The following ZC3H12B variants were observed in gnomAD, a reference collection of about 807,000 sequenced individuals.
The protein encoded by ZC3H12B is zinc finger CCCH-type containing 12B, also known as probable ribonuclease ZC3H12B.
ZC3H12B carries 7 observed loss-of-function variants against 43.9 expected under a neutral mutation model. The ratio of observed to expected loss-of-function variants is 0.16; its 90% confidence interval spans 0.09 to 0.30. The LOEUF is 0.30. Among genes scored for constraint, ZC3H12B ranks in the 10% least tolerant of loss-of-function variants. ZC3H12B has a pLI of 1.00. For missense variants in ZC3H12B, 475 were observed against 670.2 expected (o/e 0.71, Z 3.22); for synonymous variants, 222 against 241.7 (o/e 0.92, Z 0.76).
the ZC3H12B span, among the ~76,000 whole-genome samples, chrX:65,218,855 G>A: frequency 8.9e-6 from 1 of 111,850 alleles, no homozygotes; most frequent in Admixed American, 9.5e-5. Context: ...CTGGCTGGAA[G>A]ACAACCAACA....
At chrX:65,120,977 G>T in the ZC3H12B span, among the ~76,000 whole-genome samples, 1 of 111,500 alleles carries the variant, frequency 9.0e-6, no homozygotes, top group East Asian at 2.8e-4. Context: ...TGTTGAACCA[G>T]TCTTTCATCC....
At chrX:65,103,963 C>T in the ZC3H12B span, among the ~76,000 whole-genome samples, 1 of 111,762 alleles carries the variant, frequency 8.9e-6, no homozygotes, top group South Asian at 3.8e-4. Context: ...ATAGCCAAGA[C>T]AATCCTAAGC....
chrX:65,184,990 G>T, the ZC3H12B span: 10 of 111,448 alleles, frequency 9.0e-5, no homozygotes, highest in Non-Finnish European at 1.3e-4. Flanking sequence ...TAAGCTTAAT[G>T]AAATCTACAT....
the ZC3H12B span, among the ~76,000 whole-genome samples, chrX:65,153,529 G>C: frequency 3.7e-4 from 42 of 112,243 alleles, no homozygotes; most frequent in East Asian, 4.7e-3. Context: ...ACCACAATGA[G>C]ATACCATCTC....
chrX:65,491,714 A>AATATATAT (rs758006424), intron 1 of ZC3H12B, among the ~76,000 whole-genome samples: 2 of 97,185 alleles, frequency 2.1e-5, no homozygotes, highest in East Asian at 3.1e-4. Context: ...TTAAAAAAAA[A>AATATATAT]ATATATATAT....
At chrX:65,130,773 G>A in the ZC3H12B span, among the ~76,000 whole-genome samples, 1 of 111,763 alleles carries the variant, frequency 8.9e-6, no homozygotes, top group Non-Finnish European at 1.9e-5. Flanking sequence ...AGATTGATAG[G>A]TGGAAGTTTC....
the ZC3H12B span, among the ~76,000 whole-genome samples, chrX:65,158,359 C>T: frequency 9.0e-6 from 1 of 111,575 alleles, no homozygotes; most frequent in Non-Finnish European, 1.9e-5. Context: ...CTGACTTCCA[C>T]AATGGTTGAA....
chrX:65,507,807 G>A (rs7890060), exon 5 of ZC3H12B: 1 of 112,333 alleles, frequency 8.9e-6, no homozygotes, highest in African/African-American at 3.2e-5. Context: ...ACCTATAATT[G>A]TGATGGAAAA....
the ZC3H12B span, among the ~76,000 whole-genome samples, chrX:65,179,367 T>A: frequency 9.3e-6 from 1 of 107,657 alleles, no homozygotes. Flanking sequence ...GTAACAAACC[T>A]GCATGTTCTG....
chrX:65,320,690 A>T, the ZC3H12B span, among the ~76,000 whole-genome samples: 7 of 112,186 alleles, frequency 6.2e-5, no homozygotes, highest in South Asian at 2.6e-3. Context: ...GTACTGGTAA[A>T]AAAGCACACA....
chrX:65,469,106 C>G (rs1324312671), intron 3 of ZC3H12B: 1 of 119,205 alleles, frequency 8.4e-6, no homozygotes, highest in African/African-American at 3.2e-5. Flanking sequence ...TAGAGTAGGA[C>G]AGCATCCAGG....
chrX:65,471,783 G>A (rs1485734935), intron 3 of ZC3H12B, among the ~76,000 whole-genome samples: 1 of 111,224 alleles, frequency 9.0e-6, no homozygotes, highest in Non-Finnish European at 1.9e-5. Flanking sequence ...TTGCCAATCT[G>A]TATCTTTTAA....
At chrX:65,282,255 G>A in the ZC3H12B span, among the ~76,000 whole-genome samples, 1 of 110,275 alleles carries the variant, frequency 9.1e-6, no homozygotes, top group Non-Finnish European at 1.9e-5. Context: ...TTCAAAGACA[G>A]CCTGGGCAAC....
the ZC3H12B span, among the ~76,000 whole-genome samples, chrX:65,257,131 C>T: frequency 6.2e-5 from 7 of 112,257 alleles, no homozygotes; most frequent in Non-Finnish European, 1.1e-4. Context: ...ATAAACCATG[C>T]TGCCATAAAG....
At chrX:65,433,943 G>A (rs2067191508) in intron 3 of ZC3H12B, among the ~76,000 whole-genome samples, 2 of 111,503 alleles carry the variant, frequency 1.8e-5, no homozygotes, top group South Asian at 7.5e-4. Flanking sequence ...TTTTCTCCTC[G>A]TATTGGTCAA....
chrX:65,397,009 A>T (rs537263744), intron 2 of ZC3H12B, among the ~76,000 whole-genome samples: 2 of 111,407 alleles, frequency 1.8e-5, no homozygotes, highest in South Asian at 7.5e-4. Flanking sequence ...GCTTTATCAG[A>T]GACTAGTATT....
chrX:65,211,093 A>C, the ZC3H12B span, among the ~76,000 whole-genome samples: 4 of 105,437 alleles, frequency 3.8e-5, no homozygotes, highest in East Asian at 1.2e-3. Context: ...AGAAAGAAAA[A>C]AAAAAAAAAA....
At chrX:65,288,210 C>T in the ZC3H12B span, among the ~76,000 whole-genome samples, 131 of 110,852 alleles carry the variant, frequency 1.2e-3, 1 homozygote, top group African/African-American at 4.3e-3. Flanking sequence ...GGTGGATTCA[C>T]TTAATTCTAC....
chrX:65,422,196 G>A (rs1162255495), intron 3 of ZC3H12B, among the ~76,000 whole-genome samples: 1 of 111,389 alleles, frequency 9.0e-6, no homozygotes, highest in African/African-American at 3.3e-5. Context: ...AGGATTCATG[G>A]ATCCAAGTAT....
Sources: gnomAD v4.1 joint callset for allele counts (sites outside exome capture counted in the v4.1 genomes callset) on GRCh38, gnomAD v4.1.1 for gene constraint, MANE v1.5 for transcripts, NCBI Gene and HGNC (gene_info 2026-07-23, HGNC 2026-07-21) for gene names.